FAM8A1: variants seen among roughly 807,000 people sequenced by gnomAD.
The protein encoded by FAM8A1 is protein FAM8A1.
FAM8A1 carries 18 observed loss-of-function variants against 38.3 expected under a neutral mutation model. The ratio of observed to expected loss-of-function variants is 0.47; its 90% CI spans 0.33 to 0.70. The LOEUF is 0.70. Among genes scored for constraint, FAM8A1 ranks in the 30% least tolerant of loss-of-function variants. The pLI, the probability that FAM8A1 is intolerant of heterozygous loss-of-function variation, is 0.03. For synonymous variants in FAM8A1, 246 were observed against 234.4 expected (o/e 1.05, Z -0.45); for missense variants, 559 against 559.6 (o/e 1.00, Z 0.01).
chr6:17,606,105 TTA>T, intron 4 of FAM8A1, 92 bp downstream of exon 4: 1 of 902,218 alleles, frequency 1.1e-6, no homozygotes, highest in Non-Finnish European at 1.5e-6. Flanking sequence ...GTAGATAGGC[TTA>T]TATTTATTAA....
rs1016541566 is a variant in FAM8A1, at chr6:17,600,718, G to C, written c.309G>C (p.Glu103Asp). The change falls in exon 1 of 5, where the codon GAG becomes GAC. Residue 103 changes from glutamate to aspartate, a missense_variant. Coordinates refer to ENST00000259963, the MANE Select transcript of FAM8A1 (RefSeq NM_016255.3). ...CEAPEAAAPR[E>D]RPARLSAREY... ...CGCCCGAAGCCGCGGCGCCACGAGA[G>C]AGACCAGCTCGGCTGAGCGCCCGCG... The C allele has an allele frequency of 1.9e-6, 3 of 1,608,788 alleles. No homozygotes were observed. The highest frequency in any genetic ancestry group is 2.5e-6 in the Non-Finnish European group (3 of 1,179,230).
In FAM8A1 at chr6:17,610,284, T is replaced by G. The variant is rs1266295153; in HGVS notation, c.*1945T>G. 1 of 152,154 alleles carries G rather than the reference T, an allele frequency of 6.6e-6. No homozygotes were observed. Among genetic ancestry groups the G allele is most frequent in the Non-Finnish European group, 1.5e-5 (1 of 68,006 alleles). The allele number at this position is 152,154 out of a possible 1,614,324, so 9.4% of individuals were successfully genotyped here. ...GAATAGTTTGCCATCGAGATTATTT[T>G]CATTTATACTATAAAACAAAAGCAA... On this transcript the variant is annotated 3_prime_UTR_variant, in exon 5 of 5. Coordinates refer to ENST00000259963, the MANE Select transcript of FAM8A1 (RefSeq NM_016255.3).
In FAM8A1 at chr6:17,609,148, G is replaced by C. The variant is rs1250175606; in HGVS notation, c.*809G>C. The C allele has an allele frequency of 2.0e-5, 3 of 151,934 alleles. No individual in the cohort carries two copies. Among genetic ancestry groups the C allele is most frequent in the African/African-American group, 7.3e-5 (3 of 41,370 alleles). 9.4% of individuals were successfully genotyped at this position (151,934 alleles called of 1,614,324 possible). A position where few individuals can be genotyped will look rare whatever the true frequency, so the allele number is the denominator to read the frequency against. On this transcript the variant is annotated 3_prime_UTR_variant, in exon 5 of 5. Coordinates refer to ENST00000259963, the MANE Select transcript of FAM8A1 (RefSeq NM_016255.3). Reference sequence around the variant, plus strand: ...TATGTGCAAGTGTTTTCAGTGCCCTGAATCAAACTATAAATGTGGGGAGAA... The same window carrying C: ...TATGTGCAAGTGTTTTCAGTGCCCTCAATCAAACTATAAATGTGGGGAGAA...
chr6:17,607,794 A>G (rs1764077749), intron 4 of FAM8A1, among the ~76,000 whole-genome samples: 1 of 152,246 alleles, frequency 6.6e-6, no homozygotes, highest in African/African-American at 2.4e-5. Context: ...AAGAACACAC[A>G]GTACTTTAAA....
At chr6:17,604,774 C>T (rs1764029234) in intron 2 of FAM8A1, 132 bp from the exon 3 acceptor site, 1 of 670,944 alleles carries the variant, frequency 1.5e-6, no homozygotes, top group East Asian at 3.1e-5. Context: ...CTTTATGATA[C>T]TAGATGGTTG....
At position 17,607,161 on chromosome 6, in the gene FAM8A1, A is replaced by G. The variant is rs183103697; in HGVS notation, c.1098-1034A>G. On this transcript the variant is annotated intron_variant, in intron 4 of 4. Coordinates refer to ENST00000259963, the MANE Select transcript of FAM8A1 (RefSeq NM_016255.3). ...GTAGTCCCAGCTACTCAGGAGGCTG[A>G]GGCAGGAGAATGGCATGAACCCGGG... is the stretch of plus-strand genomic sequence containing the variant. Among the ~76,000 whole-genome samples the G allele has an allele frequency of 3.1e-3, 463 of 149,322 alleles. 9 individuals carry two copies. Among genetic ancestry groups the G allele is most frequent in the Admixed American group, 0.028 (418 of 14,872 alleles).
chr6:17,605,699 T>G (rs1032004222), intron 3 of FAM8A1, among the ~76,000 whole-genome samples, 175 bp from the exon 4 acceptor site: 4 of 152,252 alleles, frequency 2.6e-5, no homozygotes, highest in African/African-American at 9.6e-5. Flanking sequence ...CTTGTGGTAT[T>G]GGACATGTTA....
At chr6:17,604,779 T>C (rs367817962) in intron 2 of FAM8A1, 127 bp from the exon 3 acceptor site, 4 of 699,156 alleles carry the variant, frequency 5.7e-6, no homozygotes, top group East Asian at 3.0e-5. Flanking sequence ...TGATACTAGA[T>C]GGTTGGGAAT....
At position 17,609,658 on chromosome 6, in the gene FAM8A1, G is replaced by A. The variant is rs571508371; in HGVS notation, c.*1319G>A. On this transcript the variant is annotated 3_prime_UTR_variant, in exon 5 of 5. Transcript: ENST00000259963. ...CAGTTAGCTGTGCTGAGATATACCT[G>A]TACTATTTATGGTTTAAGTTTTGAT... is the stretch of plus-strand genomic sequence containing the variant. 1 of 152,102 alleles carries A rather than the reference G, an allele frequency of 6.6e-6. No homozygotes were observed. The highest frequency in any genetic ancestry group is 6.6e-5 in the Admixed American group (1 of 15,262). The allele number at this position is 152,102 out of a possible 1,614,324, so 9.4% of individuals were successfully genotyped here. A position where few individuals can be genotyped will look rare whatever the true frequency, so the allele number is the denominator to read the frequency against.
rs1335914983 is a variant in FAM8A1, at chr6:17,609,805, C to T, written c.*1466C>T. On this transcript the variant is annotated 3_prime_UTR_variant, in exon 5 of 5. Coordinates refer to ENST00000259963, the MANE Select transcript of FAM8A1 (RefSeq NM_016255.3). ...GTGGTGTTCTTGGTCTTAAATTTAA[C>T]AGCAAACACAGCACATATCTATTAT... is the stretch of plus-strand genomic sequence containing the variant. 1 of 152,156 alleles carries T rather than the reference C, an allele frequency of 6.6e-6. No individual in the cohort carries two copies. Among genetic ancestry groups the T allele is most frequent in the Non-Finnish European group, 1.5e-5 (1 of 67,988 alleles). 9.4% of individuals were successfully genotyped at this position (152,156 alleles called of 1,614,324 possible).
intron 4 of FAM8A1, among the ~76,000 whole-genome samples, chr6:17,607,468 C>CTATCTATATACTATAG (rs1764070736): frequency 7.1e-6 from 1 of 141,606 alleles, no homozygotes; most frequent in Admixed American, 7.1e-5. Flanking sequence ...TAGGTAGTCT[C>CTATCTATATACTATAG]TATCTATATA....
In FAM8A1 at chr6:17,600,832, C is replaced by T. The variant is rs1442417589; in HGVS notation, c.423C>T (p.Tyr141=). 2.2e-5 allele frequency: 36 copies of T among 1,610,500 alleles called. No individual in the cohort carries two copies. Among genetic ancestry groups the T allele is most frequent in the Non-Finnish European group, 2.9e-5 (34 of 1,179,696 alleles). The part of the protein sequence containing the change: ...WHSGLAAFPA[Y]CSPQPSPQSF... ...GCGGCCTGGCCGCCTTCCCAGCCTACTGCAGCCCCCAGCCCTCCCCGCAGA... is the reference window on the plus strand; with the variant it reads ...GCGGCCTGGCCGCCTTCCCAGCCTATTGCAGCCCCCAGCCCTCCCCGCAGA... The change falls in exon 1 of 5, where the codon TAC becomes TAT. Residue 141 remains tyrosine, a synonymous_variant. Transcript: ENST00000259963.
intron 4 of FAM8A1, 77 bp downstream of exon 4, chr6:17,606,090 T>C: frequency 9.1e-7 from 1 of 1,092,956 alleles, no homozygotes. Context: ...GTTTTTTTCT[T>C]CATAGTAGAT....
At chr6:17,605,360 A>G (rs1172576076) in intron 3 of FAM8A1, among the ~76,000 whole-genome samples, 2 of 152,216 alleles carry the variant, frequency 1.3e-5, no homozygotes, top group Non-Finnish European at 2.9e-5. Flanking sequence ...GATTACAGGC[A>G]TGAGCCACTG....
In FAM8A1 at chr6:17,604,950, A is replaced by G; in HGVS notation, c.878A>G (p.Asp293Gly). 1 of 1,606,180 alleles carries G rather than the reference A, an allele frequency of 6.2e-7. No homozygotes were observed. The highest frequency in any genetic ancestry group is 8.5e-7 in the Non-Finnish European group (1 of 1,173,946). The change falls in exon 3 of 5, where the codon GAT becomes GGT. Residue 293 changes from aspartate (D) to glycine (G), a missense_variant. Around this residue, in one of 2 missense-constraint regions of FAM8A1, gnomAD observed 166 missense variants for 220.8 expected, o/e 0.75. Transcript: ENST00000259963. ...FAMHYIIEEI[D>G]EDTSMEDLQK... ...ATGCATTATATAATAGAAGAAATAG[A>G]TGAAGACACATCAATGGAAGACTTG...
Position 17,606,838 on chromosome 6 carries a change from C to A in FAM8A1, c.1097+825C>A, listed in dbSNP as rs570014330. 2.0e-5 allele frequency among the ~76,000 whole-genome samples: 3 copies of A among 152,292 alleles called. No homozygotes were observed. In the East Asian group the frequency reaches 5.8e-4, roughly 29 times the overall value. ...ACTGTGGAGGTCAGTGGCTGGTAGT[C>A]AGTTGAGCCAAACAAGGTATTGGCT... is the stretch of plus-strand genomic sequence containing the variant. On this transcript the variant is annotated intron_variant, in intron 4 of 4. Coordinates refer to ENST00000259963, the MANE Select transcript of FAM8A1 (RefSeq NM_016255.3).
Position 17,600,326 on chromosome 6 carries a change from G to A in FAM8A1, c.-84G>A, listed in dbSNP as rs1159168992. The A allele has an allele frequency of 7.7e-7, 1 of 1,296,626 alleles. No homozygotes were observed. Among genetic ancestry groups the A allele is most frequent in the African/African-American group, 1.5e-5 (1 of 64,560 alleles). The allele number at this position is 1,296,626 out of a possible 1,614,324, so 80.3% of individuals were successfully genotyped here. ...TGTTGACGCCTGCGGTTGCTGCGGT[G>A]GTGACGGGGCTGTTGGGGAGGGGCC... On this transcript the variant is annotated 5_prime_UTR_variant, in exon 1 of 5. Coordinates refer to ENST00000259963, the MANE Select transcript of FAM8A1 (RefSeq NM_016255.3).
In FAM8A1 at chr6:17,602,713, A is replaced by G; in HGVS notation, c.833+3A>G. On this transcript the variant is annotated splice_donor_region_variant and intron_variant, in intron 2 of 4. Transcript: ENST00000259963. ...ATTATGCACCTCAGTGGGATAAAGT[A>G]AGTTGAGGACATTTGCAGAAGGGTT... 1 of 1,600,122 alleles carries G rather than the reference A, an allele frequency of 6.2e-7. No individual in the cohort carries two copies. Among genetic ancestry groups the G allele is most frequent in the African/African-American group, 1.3e-5 (1 of 74,154 alleles).
chr6:17,608,476 GT>G lies in FAM8A1; in HGVS notation c.*138del, dbSNP rs1764089515. On this transcript the variant is annotated 3_prime_UTR_variant, in exon 5 of 5. Transcript: ENST00000259963. ...TGTGATGCAGGTGACTACTCTGAAA[GT>G]ATTGATTATACTTGAATGCCAAAGA... 2.2e-6 allele frequency: 2 copies of G among 910,084 alleles called. No homozygotes were observed. Among genetic ancestry groups the G allele is most frequent in the African/African-American group, 3.4e-5 (2 of 58,424 alleles). The allele number at this position is 910,084 out of a possible 1,614,324, so 56.4% of individuals were successfully genotyped here. A position where few individuals can be genotyped will look rare whatever the true frequency, so the allele number is the denominator to read the frequency against.
Sources: allele counts gnomAD v4.1 joint callset (sites outside exome capture counted in the v4.1 genomes callset), GRCh38; gene constraint gnomAD v4.1.1; regional missense constraint gnomAD v4.1.1; transcripts MANE v1.5; gene names NCBI Gene and HGNC (gene_info 2026-07-23, HGNC 2026-07-21).